CCDC125: variants seen among roughly 807,000 people sequenced by gnomAD.
CCDC125 encodes coiled-coil domain-containing protein 125.
CCDC125 carries 43 observed loss-of-function variants against 57.4 expected under a neutral mutation model. That is an observed-to-expected ratio of 0.75 (90% CI 0.59 to 0.97). The LOEUF (loss-of-function observed/expected upper bound fraction) is 0.97, where lower values mean the gene tolerates loss of function less well. Among genes scored for constraint, CCDC125 ranks in the 50% least tolerant of loss-of-function variants. The pLI, the probability that CCDC125 is intolerant of heterozygous loss-of-function variation, is 0.00. For missense variants in CCDC125, 563 were observed against 595.7 expected, an observed-to-expected ratio of 0.95 and a Z score of 0.57; for synonymous variants, 187 against 195.2, an observed-to-expected ratio of 0.96 and a Z score of 0.35.
At chr5:69,297,207 T>G in intron 8 of CCDC125, among the ~76,000 whole-genome samples, 1 of 151,994 alleles carries the variant, frequency 6.6e-6, no homozygotes, top group East Asian at 1.9e-4. Flanking sequence ...CAGCTAATTT[T>G]TTTTTGTATT....
intron 8 of CCDC125, 50 bp from the exon 9 acceptor site, chr5:69,294,950 G>C: frequency 6.7e-7 from 1 of 1,495,788 alleles, no homozygotes; most frequent in Non-Finnish European, 9.3e-7. Flanking sequence ...CACTGTTTTA[G>C]CTGCACACAA....
chr5:69,312,161 C>A (rs1758263592), intron 3 of CCDC125, among the ~76,000 whole-genome samples: 2 of 152,064 alleles, frequency 1.3e-5, no homozygotes, highest in African/African-American at 2.4e-5. Context: ...AAATTTGGAC[C>A]CAGACTCATA....
chr5:69,330,289 C>T (rs1363352218), intron 1 of CCDC125, among the ~76,000 whole-genome samples: 1 of 152,156 alleles, frequency 6.6e-6, no homozygotes, highest in Non-Finnish European at 1.5e-5. Flanking sequence ...GCAATCCAAG[C>T]ACATCTTGCT....
intron 8 of CCDC125, among the ~76,000 whole-genome samples, chr5:69,298,480 G>A (rs1755793360): frequency 6.6e-6 from 1 of 152,202 alleles, no homozygotes; most frequent in Non-Finnish European, 1.5e-5. Flanking sequence ...TTTCAGTTGA[G>A]CTGAATGTAC....
chr5:69,284,633 G>A (rs1753018509), intron 11 of CCDC125, among the ~76,000 whole-genome samples: 1 of 152,104 alleles, frequency 6.6e-6, no homozygotes, highest in Non-Finnish European at 1.5e-5. Flanking sequence ...GTAGAGTCTG[G>A]TACTCCAACT....
intron 8 of CCDC125, among the ~76,000 whole-genome samples, chr5:69,297,807 A>G (rs1369499812): frequency 6.6e-6 from 1 of 151,024 alleles, no homozygotes; most frequent in African/African-American, 2.4e-5. Flanking sequence ...CAAAAAATAA[A>G]AAAAAAACAT....
chr5:69,329,796 C>T (rs1195313021), intron 1 of CCDC125, among the ~76,000 whole-genome samples: 2 of 152,172 alleles, frequency 1.3e-5, no homozygotes, highest in Non-Finnish European at 2.9e-5. Context: ...AGCCACCGAG[C>T]CCAGCTCGGA....
rs1447066101 is a variant in CCDC125 at position 69,311,104 on chromosome 5, A to G, written c.453+14T>C. ...GAATGTGTAAATGGTGAAAGTTTAAAAACAACTTCTTACCATGCTTTGAAG... is the reference window on the plus strand; with the variant it reads ...GAATGTGTAAATGGTGAAAGTTTAAGAACAACTTCTTACCATGCTTTGAAG... On this transcript the variant is annotated intron_variant, in intron 4 of 11. Coordinates refer to ENST00000396496, the MANE Select transcript of CCDC125 (RefSeq NM_176816.5). 1 of 1,566,330 alleles carries G rather than the reference A, an allele frequency of 6.4e-7. No homozygotes were observed. Among genetic ancestry groups the G allele is most frequent in the South Asian group, 1.1e-5 (1 of 88,224 alleles).
chr5:69,296,406 G>C (rs1196626502), intron 8 of CCDC125, among the ~76,000 whole-genome samples: 1 of 151,944 alleles, frequency 6.6e-6, no homozygotes, highest in East Asian at 2.0e-4. Flanking sequence ...ACAAAAATTA[G>C]CTGGGTGTGG....
intron 1 of CCDC125, among the ~76,000 whole-genome samples, chr5:69,328,209 AT>A (rs1409769407): frequency 2.6e-5 from 4 of 152,064 alleles, no homozygotes; most frequent in Non-Finnish European, 5.9e-5. Flanking sequence ...TTTTGTTTTA[AT>A]TTTTTAAATT....
At chr5:69,294,268 G>T in intron 9 of CCDC125, 1 of 345,662 alleles carries the variant, frequency 2.9e-6, no homozygotes, top group Non-Finnish European at 4.1e-6. Flanking sequence ...ATGAACTTAG[G>T]CAAATGACTT....
intron 3 of CCDC125, chr5:69,313,476 CT>C: frequency 8.8e-7 from 1 of 1,133,980 alleles, no homozygotes; most frequent in South Asian, 1.2e-5. Context: ...GTAATTCTTG[CT>C]TGATTCCTGT....
At chr5:69,311,701 A>T (rs1758184786) in intron 3 of CCDC125, among the ~76,000 whole-genome samples, 1 of 150,610 alleles carries the variant, frequency 6.6e-6, no homozygotes, top group South Asian at 2.1e-4. Flanking sequence ...CTGTAATCCC[A>T]GCTACTCCGG....
At chr5:69,304,947 G>C (rs1211642352) in intron 6 of CCDC125, among the ~76,000 whole-genome samples, 1 of 151,910 alleles carries the variant, frequency 6.6e-6, no homozygotes, top group Non-Finnish European at 1.5e-5. Flanking sequence ...TACCACTCTG[G>C]TGGGGGATGT....
intron 4 of CCDC125, chr5:69,309,321 C>T (rs6893648): frequency 0.43 from 65,368 of 151,982 alleles, 14,351 homozygotes; most frequent in South Asian, 0.49. Flanking sequence ...AAAATGGTTT[C>T]GTGGGCAGGG....
intron 8 of CCDC125, among the ~76,000 whole-genome samples, chr5:69,298,893 C>T (rs568242053): frequency 5.3e-5 from 8 of 152,294 alleles, no homozygotes; most frequent in African/African-American, 1.2e-4. Context: ...AGCTCCACCA[C>T]GCACTAGCTG....
downstream of CCDC125, chr5:69,277,133 T>C: frequency 6.3e-7 from 1 of 1,599,198 alleles, no homozygotes; most frequent in Non-Finnish European, 8.5e-7. Context: ...ACTAATTTTT[T>C]AAAGAGAACA....
chr5:69,311,603 G>C (rs1234666962), intron 3 of CCDC125, among the ~76,000 whole-genome samples: 1 of 151,868 alleles, frequency 6.6e-6, no homozygotes, highest in Non-Finnish European at 1.5e-5. Flanking sequence ...AGTGAGCCGA[G>C]GCTGAGCCAC....
chr5:69,322,648 C>T (rs897742306), intron 1 of CCDC125, among the ~76,000 whole-genome samples: 24 of 152,006 alleles, frequency 1.6e-4, no homozygotes, highest in Middle Eastern at 6.8e-3. Flanking sequence ...CAGCAACCTC[C>T]GCCTCCTGGA....
Sources: gnomAD v4.1 joint callset for allele counts (sites outside exome capture counted in the v4.1 genomes callset) on GRCh38, gnomAD v4.1.1 for gene constraint, MANE v1.5 for transcripts, NCBI Gene and HGNC (gene_info 2026-07-23, HGNC 2026-07-21) for gene names.